SLMAP: variants seen among roughly 807,000 people sequenced by gnomAD.
SLMAP encodes sarcolemma associated protein.
SLMAP carries 44 observed loss-of-function variants against 128.8 expected under a neutral mutation model. The ratio of observed to expected loss-of-function variants is 0.34; its 90% CI spans 0.27 to 0.44. The LOEUF is 0.44. Among genes scored for constraint, SLMAP ranks in the 20% least tolerant of loss-of-function variants. The pLI is 1.00. For synonymous variants in SLMAP, 327 were observed against 348.8 expected, an observed-to-expected ratio of 0.94 and a Z score of 0.70; for missense variants, 787 against 985.3, an observed-to-expected ratio of 0.80 and a Z score of 2.69.
Position 57,890,151 on chromosome 3 carries a change from G to C in SLMAP, c.1360+51G>C, listed in dbSNP as rs1434012431. Reference sequence around the variant, plus strand: ...TTTGACAGTTCTTTTGGATAATGAAGGTTAGTGTATATTTTCAAGGTTATA... The same window carrying C: ...TTTGACAGTTCTTTTGGATAATGAACGTTAGTGTATATTTTCAAGGTTATA... On this transcript the variant is annotated intron_variant, in intron 15 of 24. Coordinates refer to ENST00000671191, the MANE Select transcript of SLMAP (RefSeq NM_001377540.1). 3.8e-6 allele frequency: 6 copies of C among 1,561,070 alleles called. No individual in the cohort carries two copies. In the East Asian group the frequency reaches 1.1e-4, roughly 29 times the overall value.
intron 2 of SLMAP, among the ~76,000 whole-genome samples, chr3:57,808,219 A>C (rs896391944): frequency 6.6e-6 from 1 of 151,900 alleles, no homozygotes; most frequent in Admixed American, 6.6e-5. Flanking sequence ...CCCTAGATTC[A>C]TAGTTTTTTT....
chr3:57,923,050 T>G (rs1252248119), intron 23 of SLMAP, 27 bp downstream of exon 23: 1 of 1,609,120 alleles, frequency 6.2e-7, no homozygotes, highest in African/African-American at 1.3e-5. Flanking sequence ...TTGGCTTAGC[T>G]TTGATTGAGA....
chr3:57,926,712 T>TG (rs1220623096), intron 24 of SLMAP, among the ~76,000 whole-genome samples: 1 of 152,248 alleles, frequency 6.6e-6, no homozygotes, highest in African/African-American at 2.4e-5. Context: ...ATCATGTGGC[T>TG]TTATTACACT....
intron 17 of SLMAP, chr3:57,900,198 T>TA (rs2096343050): frequency 6.6e-6 from 1 of 152,182 alleles, no homozygotes; most frequent in Non-Finnish European, 1.5e-5. Flanking sequence ...TTCCCCTTTT[T>TA]TAAAAAATAG....
chr3:57,810,152 C>T (rs559254170), intron 2 of SLMAP, among the ~76,000 whole-genome samples: 10 of 152,278 alleles, frequency 6.6e-5, no homozygotes, highest in South Asian at 2.1e-4. Context: ...AAGCTGCTTG[C>T]GGTGTGCCTG....
chr3:57,809,592 C>G (rs1326706996), intron 2 of SLMAP, among the ~76,000 whole-genome samples: 1 of 152,194 alleles, frequency 6.6e-6, no homozygotes, highest in East Asian at 1.9e-4. Context: ...GGTTGGGTCC[C>G]TGGTGAGGCC....
intron 10 of SLMAP, among the ~76,000 whole-genome samples, chr3:57,863,147 T>C (rs920157118): frequency 1.3e-5 from 2 of 152,224 alleles, no homozygotes; most frequent in African/African-American, 4.8e-5. Context: ...ATCTCCCTTT[T>C]AGCTTTCAGG....
rs188920978 is a variant in SLMAP, at chr3:57,911,374, G to C, written c.1700-1007G>C. ...CTTTCTCCCATCCCTAAATCCTCTT[G>C]TAATTAATTATTTTCCTTTGGAACT... On this transcript the variant is annotated intron_variant, in intron 19 of 24. Transcript: ENST00000671191. Among the ~76,000 whole-genome samples the C allele has an allele frequency of 2.5e-4, 38 of 151,992 alleles. No individual in the cohort carries two copies. The East Asian group carries it at 5.8e-3, about 23-fold the overall frequency.
In SLMAP at chr3:57,855,616, C is replaced by T. The variant is rs191731523; in HGVS notation, c.520-2117C>T. On this transcript the variant is annotated intron_variant, in intron 6 of 24. Coordinates refer to ENST00000671191, the MANE Select transcript of SLMAP (RefSeq NM_001377540.1). ...TTTGGGGCAGGCATGGTGGCTCATGCCTGAAATCCCAGCACTTTGGATGGC... is the reference window on the plus strand; with the variant it reads ...TTTGGGGCAGGCATGGTGGCTCATGTCTGAAATCCCAGCACTTTGGATGGC... Among the ~76,000 whole-genome samples the T allele has an allele frequency of 7.5e-5, 11 of 145,808 alleles. No homozygotes were observed. In the East Asian group the frequency reaches 2.3e-3, roughly 31 times the overall value.
intron 14 of SLMAP, among the ~76,000 whole-genome samples, chr3:57,884,600 GA>G (rs1275447073): frequency 6.6e-6 from 1 of 152,114 alleles, no homozygotes; most frequent in African/African-American, 2.4e-5. Context: ...TTGAGCTCAG[GA>G]GTTCGAGACC....
chr3:57,824,535 G>T (rs1340182906), intron 2 of SLMAP, among the ~76,000 whole-genome samples: 1 of 152,104 alleles, frequency 6.6e-6, no homozygotes, highest in Non-Finnish European at 1.5e-5. Flanking sequence ...CTCATTGAAT[G>T]GACTTTGAAA....
In SLMAP at chr3:57,912,709, A is replaced by T; in HGVS notation, c.2020+8A>T. ...AAGCAACAAGGTTGCAAGGTGAATA[A>T]ATGTATTTTACATAAAGCTGTTAAC... On this transcript the variant is annotated splice_region_variant and intron_variant, in intron 20 of 24. Coordinates refer to ENST00000671191, the MANE Select transcript of SLMAP (RefSeq NM_001377540.1). 6.3e-7 allele frequency: 1 copy of T among 1,595,326 alleles called. No homozygotes were observed. Among genetic ancestry groups the T allele is most frequent in the Non-Finnish European group, 8.6e-7 (1 of 1,165,952 alleles).
At chr3:57,865,140 ACAATCT>A in intron 12 of SLMAP, 96 bp from the exon 13 acceptor site, 1 of 658,820 alleles carries the variant, frequency 1.5e-6, no homozygotes, top group Non-Finnish European at 2.6e-6. Flanking sequence ...AGTGTTCTAT[ACAATCT>A]TAATCTTAGG....
chr3:57,757,703 C>G lies in SLMAP; in HGVS notation c.52C>G (p.Gln18Glu). ...FTCRPNSHPF[Q>E]ERHVYLDEPI... ...TTGCCGCCCGAACTCGCACCCGTTT[C>G]AGGAGCGTCATGTCTACCTGGACGA... is the stretch of plus-strand genomic sequence containing the variant. The change falls in exon 2 of 25, where the codon CAG becomes GAG. Residue 18 changes from glutamine (Q) to glutamate (E), a missense_variant. Transcript: ENST00000671191. The G allele has an allele frequency of 6.2e-7, 1 of 1,614,170 alleles. No homozygotes were observed. The highest frequency in any genetic ancestry group is 1.1e-5 in the South Asian group (1 of 91,092).
At chr3:57,841,450 G>A in intron 4 of SLMAP, 79 bp downstream of exon 4, 2 of 761,044 alleles carry the variant, frequency 2.6e-6, no homozygotes, top group South Asian at 3.8e-5. Flanking sequence ...CTAGGTGATG[G>A]TGTACTGCTA....
intron 2 of SLMAP, among the ~76,000 whole-genome samples, chr3:57,814,705 G>A (rs1486905067): frequency 6.6e-6 from 1 of 152,094 alleles, no homozygotes; most frequent in Non-Finnish European, 1.5e-5. Flanking sequence ...TGGGTGCAGT[G>A]GCTCATGGGT....
intron 14 of SLMAP, 193 bp from the exon 15 acceptor site, chr3:57,889,848 T>C (rs1233035156): frequency 1.2e-5 from 5 of 430,802 alleles, no homozygotes; most frequent in African/African-American, 4.0e-5. Flanking sequence ...CCTAGTTTTC[T>C]GCATTAACGT....
chr3:57,760,757 C>T (rs1331264183), intron 2 of SLMAP, among the ~76,000 whole-genome samples: 1 of 152,018 alleles, frequency 6.6e-6, no homozygotes, highest in Admixed American at 6.5e-5. Context: ...GAAGGAGTTT[C>T]GTTCTTGTTG....
At chr3:57,773,475 T>C (rs2081270099) in intron 2 of SLMAP, among the ~76,000 whole-genome samples, 1 of 152,212 alleles carries the variant, frequency 6.6e-6, no homozygotes, top group Non-Finnish European at 1.5e-5. Context: ...CAAAAACCTA[T>C]CCATGACTAT....
Sources: allele counts gnomAD v4.1 joint callset (sites outside exome capture counted in the v4.1 genomes callset), GRCh38; gene constraint gnomAD v4.1.1; transcripts MANE v1.5; gene names NCBI Gene and HGNC (gene_info 2026-07-23, HGNC 2026-07-21).